CD6: variants seen among roughly 807,000 people sequenced by gnomAD.
CD6 encodes the protein CD6 molecule.
CD6 carries 53 observed loss-of-function variants against 75.3 expected under a neutral mutation model. That is an observed-to-expected ratio of 0.70 (90% CI 0.56 to 0.88). The LOEUF is 0.88. Ranked by LOEUF, CD6 falls within the 40% of genes least tolerant of loss-of-function variation. The probability of loss-of-function intolerance (pLI) is 0.00; values close to 1 mark genes in which losing one functional copy is unlikely to be tolerated. For synonymous variants in CD6, 359 were observed against 381.5 expected, an observed-to-expected ratio of 0.94 and a Z score of 0.69; for missense variants, 770 against 897.1, an observed-to-expected ratio of 0.86 and a Z score of 1.81.
At chr11:61,018,446 GT>G in intron 12 of CD6, 53 bp downstream of exon 12, 1 of 1,259,762 alleles carries the variant, frequency 7.9e-7, no homozygotes, top group East Asian at 2.5e-5. Context: ...GGACTGGGGA[GT>G]AAATGAGTGG....
Position 61,019,395 on chromosome 11 carries a change from C to A in CD6, c.*77C>A. 1.7e-6 allele frequency: 2 copies of A among 1,170,308 alleles called. No individual in the cohort carries two copies. The highest frequency in any genetic ancestry group is 2.5e-5 in the East Asian group (1 of 40,680). The allele number at this position is 1,170,308 out of a possible 1,614,324, so 72.5% of individuals were successfully genotyped here. A position where few individuals can be genotyped will look rare whatever the true frequency, so the allele number is the denominator to read the frequency against. Reference sequence around the variant, plus strand: ...TCTACCTACTCCCTTTCCCCTTTCCCACCCTCCCAGCTCACCTCCCCATGG... The same window carrying A: ...TCTACCTACTCCCTTTCCCCTTTCCAACCCTCCCAGCTCACCTCCCCATGG... On this transcript the variant is annotated 3_prime_UTR_variant, in exon 13 of 13. Transcript: ENST00000313421.
Position 61,016,013 on chromosome 11 carries a change from G to A in CD6, c.1510+178G>A, listed in dbSNP as rs150826036. Among the ~76,000 whole-genome samples the A allele has an allele frequency of 4.8e-4, 73 of 152,336 alleles. No individual in the cohort carries two copies. In the South Asian group the frequency reaches 0.014, roughly 30 times the overall value. On this transcript the variant is annotated intron_variant, in intron 9 of 12. Coordinates refer to ENST00000313421, the MANE Select transcript of CD6 (RefSeq NM_006725.5). Reference sequence around the variant, plus strand: ...TACACTGACGTTTGCACCGTGCTTTGTGACCCTGGGGTCATCTCGATGTCT... The same window carrying A: ...TACACTGACGTTTGCACCGTGCTTTATGACCCTGGGGTCATCTCGATGTCT...
At chr11:60,983,526 A>G (rs1055809720) in intron 1 of CD6, among the ~76,000 whole-genome samples, 2 of 151,876 alleles carry the variant, frequency 1.3e-5, no homozygotes, top group Non-Finnish European at 2.9e-5. Flanking sequence ...TTGCTTTATT[A>G]TTTCCTCTCA....
In CD6 at chr11:61,013,670, T is replaced by C. The variant is rs1432525080; in HGVS notation, c.1291+107T>C. The C allele has an allele frequency of 1.7e-5, 22 of 1,260,472 alleles. No homozygotes were observed. In the Admixed American group the frequency reaches 4.0e-4, roughly 23 times the overall value. The allele number at this position is 1,260,472 out of a possible 1,614,324, so 78.1% of individuals were successfully genotyped here. A position where few individuals can be genotyped will look rare whatever the true frequency, so the allele number is the denominator to read the frequency against. Reference sequence around the variant, plus strand: ...AGCAATGACCACCCGGCCCTGGCCCTGGGGAGATCCCCAAGGTGGAAAGGA... The same window carrying C: ...AGCAATGACCACCCGGCCCTGGCCCCGGGGAGATCCCCAAGGTGGAAAGGA... On this transcript the variant is annotated intron_variant, in intron 7 of 12. Transcript: ENST00000313421.
intron 1 of CD6, among the ~76,000 whole-genome samples, chr11:60,981,670 C>T (rs1350634602): frequency 6.6e-6 from 1 of 152,230 alleles, no homozygotes; most frequent in Non-Finnish European, 1.5e-5. Flanking sequence ...GCTGCTCCGA[C>T]TGGGACCGGG....
chr11:61,019,013 A>G (rs963669244), intron 12 of CD6: 5 of 426,692 alleles, frequency 1.2e-5, no homozygotes, highest in African/African-American at 4.0e-5. Flanking sequence ...CCAACATTCA[A>G]TCGTCCACCG....
intron 8 of CD6, 161 bp from the exon 9 acceptor site, chr11:61,015,552 C>T (rs1315623169): frequency 2.2e-5 from 18 of 805,432 alleles, no homozygotes; most frequent in Non-Finnish European, 3.4e-5. Flanking sequence ...GCCTGGACAA[C>T]AGAGTGAGAC....
chr11:61,010,961 C>T lies in CD6; in HGVS notation c.1085-109C>T, dbSNP rs1859111966. On this transcript the variant is annotated intron_variant, in intron 5 of 12. Coordinates refer to ENST00000313421, the MANE Select transcript of CD6 (RefSeq NM_006725.5). ...CCACGTGTCCCTGATGGGAGCACAA[C>T]CCTAGTTCTGGGTCACTTGTCTGTC... 8.2e-6 allele frequency: 8 copies of T among 976,810 alleles called. No individual in the cohort carries two copies. The South Asian group carries it at 1.1e-4, about 13-fold the overall frequency. 60.5% of individuals were successfully genotyped at this position (976,810 alleles called of 1,614,324 possible). A position where few individuals can be genotyped will look rare whatever the true frequency, so the allele number is the denominator to read the frequency against.
intron 1 of CD6, among the ~76,000 whole-genome samples, chr11:60,998,412 A>T (rs559454387): frequency 1.8e-4 from 27 of 152,308 alleles, no homozygotes; most frequent in African/African-American, 5.8e-4. Flanking sequence ...CAAGATCAAA[A>T]TCTCATCAAT....
At chr11:60,996,369 A>G in intron 1 of CD6, among the ~76,000 whole-genome samples, 1 of 152,060 alleles carries the variant, frequency 6.6e-6, no homozygotes, top group Non-Finnish European at 1.5e-5. Flanking sequence ...TGCTCCCATC[A>G]GTGTGGGTTG....
chr11:61,014,473 G>A (rs973987585), intron 8 of CD6, among the ~76,000 whole-genome samples: 28 of 152,166 alleles, frequency 1.8e-4, no homozygotes, highest in African/African-American at 6.3e-4. Flanking sequence ...AGTGGCTCAC[G>A]CCTGTAATCC....
rs997999556 is a variant in CD6, at chr11:61,007,465, C to T, written c.119-95C>T. ...AGCTGAGACCCCTAGCCAGGCAGGG[C>T]GTTGTCAAAGTTCACGCACAGAGTC... On this transcript the variant is annotated intron_variant, in intron 2 of 12. Coordinates refer to ENST00000313421, the MANE Select transcript of CD6 (RefSeq NM_006725.5). The surrounding 1 kb of genome is among the most constrained non-coding windows in gnomAD (Gnocchi z 4.2). 7.6e-5 allele frequency: 74 copies of T among 978,098 alleles called. No homozygotes were observed. The highest frequency in any genetic ancestry group is 8.8e-5 in the Non-Finnish European group (63 of 716,422). The allele number at this position is 978,098 out of a possible 1,614,324, so 60.6% of individuals were successfully genotyped here.
At chr11:60,998,152 T>G (rs1372917129) in intron 1 of CD6, among the ~76,000 whole-genome samples, 2 of 152,224 alleles carry the variant, frequency 1.3e-5, no homozygotes, top group Non-Finnish European at 2.9e-5. Context: ...AAATTTTGCT[T>G]TGATTACTGA....
rs772164608 is a variant in CD6 at position 61,008,527 on chromosome 11, C to T, written c.470-7C>T. 31 of 1,584,058 alleles carry T rather than the reference C, an allele frequency of 2.0e-5. No individual in the cohort carries two copies. The highest frequency in any genetic ancestry group is 2.5e-5 in the Non-Finnish European group (29 of 1,164,288). ...CCCCAGCATCCACAACCCCCTCCCA[C>T]CCCTAGAGAACCGCGCGCTGCGCCT... On this transcript the variant is annotated splice_region_variant and splice_polypyrimidine_tract_variant and intron_variant, in intron 3 of 12. Transcript: ENST00000313421.
intron 1 of CD6, among the ~76,000 whole-genome samples, chr11:60,996,568 G>T (rs113038444): frequency 1.2e-3 from 185 of 152,346 alleles, no homozygotes; most frequent in Middle Eastern, 0.01. Context: ...CAGGGTTCAC[G>T]TAGCATTTGT....
rs1176379294 is a variant in CD6 at position 61,017,524 on chromosome 11, G to C, written c.1556G>C (p.Arg519Thr). The change falls in exon 10 of 13, where the codon AGG becomes ACG. Residue 519 changes from arginine to threonine, a missense_variant. Physicochemically the swap from Arg to Thr is moderately conservative, Grantham distance 71. Transcript: ENST00000313421. The part of the protein sequence containing the change: ...RVTDEEVQQS[R>T]FQMPPLEEGL... ...ACAGATGAGGAGGTCCAGCAAAGCA[G>C]GTTCCAGATGCCACCCTTGGAGGAA... is the stretch of plus-strand genomic sequence containing the variant. 2.3e-5 allele frequency: 36 copies of C among 1,552,348 alleles called. No individual in the cohort carries two copies. The highest frequency in any genetic ancestry group is 8.7e-7 in the Non-Finnish European group (1 of 1,147,916).
At chr11:61,019,222 T>C (rs1202555371) in intron 12 of CD6, 32 bp from the exon 13 acceptor site, 1 of 1,570,826 alleles carries the variant, frequency 6.4e-7, no homozygotes, top group Admixed American at 1.7e-5. Flanking sequence ...AATGACTGGG[T>C]CTCCCACTAA....
At chr11:61,018,035 C>A in intron 11 of CD6, 22 bp downstream of exon 11, 1 of 1,606,666 alleles carries the variant, frequency 6.2e-7, no homozygotes, top group East Asian at 2.2e-5. Flanking sequence ...CTCCCCCAAA[C>A]CCCCATCCCA....
At chr11:61,000,224 T>C (rs962859723) in intron 1 of CD6, among the ~76,000 whole-genome samples, 1 of 152,162 alleles carries the variant, frequency 6.6e-6, no homozygotes, top group Non-Finnish European at 1.5e-5. Context: ...TTAGGATAAG[T>C]TCCCAGATGT....
Sources: allele counts gnomAD v4.1 joint callset (sites outside exome capture counted in the v4.1 genomes callset), GRCh38; gene constraint gnomAD v4.1.1; non-coding constraint Gnocchi (gnomAD v3.1); transcripts MANE v1.5; gene names NCBI Gene and HGNC (gene_info 2026-07-23, HGNC 2026-07-21).